EFNB1: variants seen among roughly 807,000 people sequenced by gnomAD.
EFNB1 encodes ephrin-B1.
EFNB1 carries 1 observed loss-of-function variant against 18.1 expected under a neutral mutation model. That is an observed-to-expected ratio of 0.06 (90% confidence interval 0.02 to 0.26). The LOEUF (loss-of-function observed/expected upper bound fraction) is 0.26. Ranked by LOEUF, EFNB1 falls within the 10% of genes least tolerant of loss-of-function variation. EFNB1 has a pLI of 1.00. For synonymous variants in EFNB1, 131 were observed against 127.5 expected, an observed-to-expected ratio of 1.03 and a Z score of -0.19; for missense variants, 221 against 301.8, an observed-to-expected ratio of 0.73 and a Z score of 1.98.
chrX:68,832,040 G>A (rs1163021127), intron 1 of EFNB1, among the ~76,000 whole-genome samples: 1 of 110,188 alleles, frequency 9.1e-6, no homozygotes, highest in African/African-American at 3.3e-5. Flanking sequence ...GTGTTGGCTC[G>A]GGGTGGTGGG....
chrX:68,840,586 G>A lies in EFNB1; in HGVS notation c.973G>A (p.Gly325Arg). 1 of 1,210,819 alleles carries A rather than the reference G, an allele frequency of 8.3e-7. No homozygotes were observed. Among genetic ancestry groups the A allele is most frequent in the Middle Eastern group, 2.3e-4 (1 of 4,354 alleles). The change falls in exon 5 of 5, where the codon GGG (glycine) becomes AGG (arginine). Residue 325 changes from glycine to arginine, a missense_variant. Gly to Arg is a moderately radical substitution (Grantham distance 125). Transcript: ENST00000204961. ...PHYEKVSGDY[G>R]HPVYIVQEMP... ...CTATGAGAAGGTGAGTGGGGACTACGGGCACCCTGTCTACATCGTCCAAGA... is the reference window on the plus strand; with the variant it reads ...CTATGAGAAGGTGAGTGGGGACTACAGGCACCCTGTCTACATCGTCCAAGA...
intron 1 of EFNB1, 67 bp downstream of exon 1, chrX:68,829,971 C>T: frequency 8.9e-7 from 1 of 1,128,449 alleles, no homozygotes; most frequent in Non-Finnish European, 1.2e-6. Flanking sequence ...CCGCACGCCC[C>T]GGAGTGCATG....
chrX:68,830,541 T>G (rs1355518901), intron 1 of EFNB1, among the ~76,000 whole-genome samples: 1 of 113,052 alleles, frequency 8.8e-6, no homozygotes, highest in Non-Finnish European at 1.9e-5. Flanking sequence ...GCTCCCAGGC[T>G]CACAAAGGCA....
chrX:68,831,769 C>A (rs888595556), intron 1 of EFNB1, among the ~76,000 whole-genome samples: 2 of 110,675 alleles, frequency 1.8e-5, no homozygotes, highest in African/African-American at 3.3e-5. Context: ...GTGCTTCCCC[C>A]TTTTTGTGCT....
Position 68,838,693 on chromosome X carries a change from G to A in EFNB1, c.205G>A (p.Ala69Thr), listed in dbSNP as rs765712163. 1.7e-6 allele frequency: 2 copies of A among 1,211,627 alleles called. No homozygotes were observed. The highest frequency in any genetic ancestry group is 2.2e-6 in the Non-Finnish European group (2 of 895,417). Residue 69 changes from alanine to threonine, a missense_variant, in exon 2 of 5, where the codon GCA becomes ACA. Transcript: ENST00000204961. ...KLDIICPRAE[A>T]GRPYEYYKLY... is the part of the protein sequence containing the mutation. Reference sequence around the variant, plus strand: ...GGACATCATCTGCCCCCGAGCAGAAGCAGGGCGGCCCTATGAGTACTACAA... The same window carrying A: ...GGACATCATCTGCCCCCGAGCAGAAACAGGGCGGCCCTATGAGTACTACAA...
At chrX:68,830,658 C>T (rs1348736148) in intron 1 of EFNB1, among the ~76,000 whole-genome samples, 1 of 112,167 alleles carries the variant, frequency 8.9e-6, no homozygotes, top group Non-Finnish European at 1.9e-5. Flanking sequence ...CAAGGGCCCG[C>T]CAGGGCGGAG....
intron 1 of EFNB1, among the ~76,000 whole-genome samples, chrX:68,837,260 T>C (rs1378792997): frequency 8.9e-6 from 1 of 111,771 alleles, no homozygotes; most frequent in Non-Finnish European, 1.9e-5. Flanking sequence ...CATAGGTACT[T>C]AGTGTTAGTA....
intron 1 of EFNB1, among the ~76,000 whole-genome samples, chrX:68,838,085 G>A (rs189059055): frequency 7.3e-4 from 80 of 109,360 alleles, no homozygotes; most frequent in Non-Finnish European, 1.4e-3. Context: ...TGGGAGCTGC[G>A]GGGAGTGGTG....
rs1296902174 is a variant in EFNB1, at chrX:68,840,603, C to T, written c.990C>T (p.Ile330=). The T allele has an allele frequency of 2.5e-6, 3 of 1,210,814 alleles. No homozygotes were observed. The highest frequency in any genetic ancestry group is 1.8e-5 in the South Asian group (1 of 56,596). Residue 330 remains isoleucine (I), a synonymous_variant, in exon 5 of 5, where the codon ATC becomes ATT. Transcript: ENST00000204961. ...VSGDYGHPVY[I]VQEMPPQSPA... is the part of the protein sequence containing the mutation. ...GGGACTACGGGCACCCTGTCTACAT[C>T]GTCCAAGAGATGCCGCCCCAGAGCC... is the stretch of plus-strand genomic sequence containing the variant.
At chrX:68,838,241 G>A (rs2080467290) in intron 1 of EFNB1, among the ~76,000 whole-genome samples, 3 of 108,843 alleles carry the variant, frequency 2.8e-5, no homozygotes, top group Admixed American at 2.0e-4. Flanking sequence ...AGGAATCTTT[G>A]TTGGGGGTGG....
intron 1 of EFNB1, among the ~76,000 whole-genome samples, chrX:68,838,131 ATGTGTGTGTGTGTGTGTGTGTG>A (rs1193927663): frequency 1.8e-5 from 1 of 55,548 alleles, no homozygotes; most frequent in Admixed American, 2.1e-4. Flanking sequence ...GTGTGTGTGT[ATGTGTGTGTGTGTGTGTGTGTG>A]TGTGTGTGTG....
At chrX:68,831,024 C>CA in intron 1 of EFNB1, among the ~76,000 whole-genome samples, 1 of 111,370 alleles carries the variant, frequency 9.0e-6, no homozygotes, top group Admixed American at 9.4e-5. Flanking sequence ...AACCAAGGGT[C>CA]AAAATTGCCC....
intron 1 of EFNB1, among the ~76,000 whole-genome samples, chrX:68,836,888 C>A (rs1270288988): frequency 9.0e-6 from 1 of 111,503 alleles, no homozygotes; most frequent in Admixed American, 9.5e-5. Context: ...TCTTCTGTTT[C>A]TCTCTTCTCA....
At chrX:68,836,634 G>A (rs2080461463) in intron 1 of EFNB1, among the ~76,000 whole-genome samples, 1 of 112,565 alleles carries the variant, frequency 8.9e-6, no homozygotes. Context: ...CAGTAGGCCG[G>A]TATTGCTTGT....
intron 3 of EFNB1, 23 bp from the exon 4 acceptor site, chrX:68,839,937 A>G (rs767594518): frequency 8.3e-7 from 1 of 1,211,195 alleles, no homozygotes; most frequent in East Asian, 3.0e-5. Flanking sequence ...CCTGCCTCTC[A>G]CCTGTTCTGT....
chrX:68,839,907 G>A (rs2080472243), intron 3 of EFNB1, 53 bp from the exon 4 acceptor site: 4 of 1,208,458 alleles, frequency 3.3e-6, no homozygotes, highest in African/African-American at 3.5e-5. Context: ...ATGACTGAGG[G>A]CACCTATGCT....
At position 68,842,130 on chromosome X, in the gene EFNB1, A is replaced by G. The variant is rs1354337792; in HGVS notation, c.*1476A>G. On this transcript the variant is annotated 3_prime_UTR_variant, in exon 5 of 5. Coordinates refer to ENST00000204961, the MANE Select transcript of EFNB1 (RefSeq NM_004429.5). ...GTTGCTTTTTTCTTAGAAAAAAATG[A>G]GAACTAAAAAAAAAAAATTAACCAC... 8.9e-6 allele frequency: 1 copy of G among 112,142 alleles called. No homozygotes were observed. The highest frequency in any genetic ancestry group is 1.9e-5 in the Non-Finnish European group (1 of 53,124). The allele number at this position is 112,142 out of a possible 1,213,427, so 9.2% of individuals were successfully genotyped here. A position where few individuals can be genotyped will look rare whatever the true frequency, so the allele number is the denominator to read the frequency against.
intron 1 of EFNB1, among the ~76,000 whole-genome samples, chrX:68,836,401 A>T (rs1261452527): frequency 8.9e-6 from 1 of 112,021 alleles, no homozygotes; most frequent in Non-Finnish European, 1.9e-5. Flanking sequence ...CTCTATAGTT[A>T]GGTACCAGTG....
Position 68,829,686 on chromosome X carries a change from C to T in EFNB1, c.-91C>T. ...CGGCTGCGGAGGATGGGCGCCTGAGCGGCTCCGAGCGCAGCGCGGCAGAGG... is the reference window on the plus strand; with the variant it reads ...CGGCTGCGGAGGATGGGCGCCTGAGTGGCTCCGAGCGCAGCGCGGCAGAGG... On this transcript the variant is annotated 5_prime_UTR_variant, in exon 1 of 5. Coordinates refer to ENST00000204961, the MANE Select transcript of EFNB1 (RefSeq NM_004429.5). 8.7e-7 allele frequency: 1 copy of T among 1,146,438 alleles called. No homozygotes were observed. Among genetic ancestry groups the T allele is most frequent in the South Asian group, 1.9e-5 (1 of 52,253 alleles). 94.5% of individuals were successfully genotyped at this position (1,146,438 alleles called of 1,213,427 possible). A position where few individuals can be genotyped will look rare whatever the true frequency, so the allele number is the denominator to read the frequency against.
Sources: gnomAD v4.1 joint callset for allele counts (sites outside exome capture counted in the v4.1 genomes callset) on GRCh38, gnomAD v4.1.1 for gene constraint, MANE v1.5 for transcripts, NCBI Gene and HGNC (gene_info 2026-07-23, HGNC 2026-07-21) for gene names.